The following EPHA4 variants were observed in gnomAD, a reference collection of about 807,000 sequenced individuals.
The protein encoded by EPHA4 is ephrin type-A receptor 4.
Under a neutral mutation model 108.3 loss-of-function variants are expected in EPHA4, and 19 were observed. That is an observed-to-expected ratio of 0.18 (90% CI 0.12 to 0.26). The LOEUF (loss-of-function observed/expected upper bound fraction) is 0.26, where lower values mean the gene tolerates loss of function less well. EPHA4 is among the 10% of genes least tolerant of loss of function. The pLI, the probability that EPHA4 is intolerant of heterozygous loss-of-function variation, is 1.00. For synonymous variants in EPHA4, 449 were observed against 455.5 expected (o/e 0.99, Z 0.18); for missense variants, 917 against 1,254.0 (o/e 0.73, Z 4.06).
In EPHA4 at chr2:221,566,946, GAAGGA is replaced by G. The variant is rs1345650110; in HGVS notation, c.159+1767_159+1771del. On this transcript the variant is annotated intron_variant, in intron 2 of 17. Coordinates refer to ENST00000281821, the MANE Select transcript of EPHA4 (RefSeq NM_004438.5). ...AGAAGGAGAAGGAGAAGGAGAAGGAGAAGGAGAAGGGGAAGAGGAAGAGGAAGAAG... is the reference window on the plus strand; with the variant it reads ...AGAAGGAGAAGGAGAAGGAGAAGGAGGAAGGGGAAGAGGAAGAGGAAGAAG... 1.6e-3 allele frequency among the ~76,000 whole-genome samples: 128 copies of G among 78,112 alleles called. 32 individuals carry two copies. The highest frequency in any genetic ancestry group is 3.8e-3 in the African/African-American group (52 of 13,548). 51.2% of individuals were successfully genotyped at this position (78,112 alleles called of 152,430 possible).
chr2:221,457,757 GAAGAA>G (rs1295631170), intron 6 of EPHA4, 104 bp downstream of exon 6: 54 of 1,226,976 alleles, frequency 4.4e-5, no homozygotes, highest in Non-Finnish European at 5.4e-5. Context: ...AGGAAAGAAG[GAAGAA>G]AAGAAGAGAG....
In EPHA4 at chr2:221,553,566, T is replaced by C. The variant is rs557735683; in HGVS notation, c.823+10165A>G. On this transcript the variant is annotated intron_variant, in intron 3 of 17. Transcript: ENST00000281821. ...CCCAATCTGGAGCCCTGGGAGAACA[T>C]AGCCAAATGTCAAACAGCAGGGAAG... Among the ~76,000 whole-genome samples the C allele has an allele frequency of 6.3e-4, 96 of 152,318 alleles. 1 individual carries two copies. In the South Asian group the frequency reaches 0.019, roughly 30 times the overall value.
intron 4 of EPHA4, among the ~76,000 whole-genome samples, chr2:221,493,924 G>C (rs1161360949): frequency 6.6e-6 from 1 of 152,150 alleles, no homozygotes; most frequent in Non-Finnish European, 1.5e-5. Flanking sequence ...CTTGAAAGCT[G>C]CAATTTTGGA....
At chr2:221,572,703 TAAA>T (rs1361577798), upstream of EPHA4, 1 of 152,848 alleles carries the variant, frequency 6.5e-6, no homozygotes, top group Non-Finnish European at 1.5e-5. Context: ...TTTATTGAAA[TAAA>T]AGAAGTCTAA....
At chr2:221,441,376 C>T (rs1029389123) in intron 11 of EPHA4, among the ~76,000 whole-genome samples, 2 of 151,930 alleles carry the variant, frequency 1.3e-5, no homozygotes, top group African/African-American at 4.8e-5. Flanking sequence ...CCACCTTCAA[C>T]ACTGGAAACC....
chr2:221,507,241 G>A (rs1692659210), intron 3 of EPHA4, among the ~76,000 whole-genome samples: 1 of 152,138 alleles, frequency 6.6e-6, no homozygotes, highest in Non-Finnish European at 1.5e-5. Flanking sequence ...GAATGACAAA[G>A]CATAATAAAG....
At chr2:221,478,784 C>T (rs1308439637) in intron 5 of EPHA4, among the ~76,000 whole-genome samples, 3 of 151,078 alleles carry the variant, frequency 2.0e-5, no homozygotes, top group African/African-American at 7.3e-5. Context: ...CTTCCAACAA[C>T]CTTAGCAGGG....
intron 3 of EPHA4, among the ~76,000 whole-genome samples, chr2:221,526,357 C>T (rs1455795141): frequency 6.6e-6 from 1 of 152,094 alleles, no homozygotes; most frequent in African/African-American, 2.4e-5. Flanking sequence ...GTAAATTTGG[C>T]TAATAAGTGA....
chr2:221,570,338 G>A (rs1694792803), intron 1 of EPHA4, among the ~76,000 whole-genome samples: 1 of 151,942 alleles, frequency 6.6e-6, no homozygotes. Context: ...AAAAAAGAGG[G>A]GGTTTAAAAA....
At chr2:221,445,589 G>GAAA (rs35067500) in intron 9 of EPHA4, among the ~76,000 whole-genome samples, 3 of 88,416 alleles carry the variant, frequency 3.4e-5, no homozygotes, top group South Asian at 3.7e-4. Context: ...GACTCCGTCA[G>GAAA]AAAAAAAAAA....
chr2:221,456,925 G>A (rs994384372), intron 6 of EPHA4, among the ~76,000 whole-genome samples, 153 bp from the exon 7 acceptor site: 2 of 152,168 alleles, frequency 1.3e-5, no homozygotes, highest in Non-Finnish European at 2.9e-5. Flanking sequence ...TCTCTTGGAT[G>A]TTATAAGTAC....
At chr2:221,562,434 TTCAG>T (rs1217780507) in intron 3 of EPHA4, among the ~76,000 whole-genome samples, 7 of 152,200 alleles carry the variant, frequency 4.6e-5, no homozygotes, top group Non-Finnish European at 7.3e-5. Context: ...TAACTGGATT[TTCAG>T]TCAATCAAGT....
intron 5 of EPHA4, among the ~76,000 whole-genome samples, chr2:221,473,770 G>C (rs1297535530): frequency 1.3e-5 from 2 of 151,924 alleles, no homozygotes; most frequent in African/African-American, 4.8e-5. Flanking sequence ...GCCCTGCCCT[G>C]CCCATTTCTC....
chr2:221,456,726 T>C lies in EPHA4; in HGVS notation c.1490A>G (p.Asn497Ser), dbSNP rs747496763. 2.5e-6 allele frequency: 4 copies of C among 1,613,958 alleles called. No individual in the cohort carries two copies. Among genetic ancestry groups the C allele is most frequent in the South Asian group, 1.1e-5 (1 of 91,070 alleles). The change falls in exon 7 of 18, where the codon AAC (asparagine) becomes AGC (serine). Residue 497 changes from asparagine (N) to serine (S), a missense_variant. Asn to Ser is a conservative substitution (Grantham distance 46). This residue lies in a region of EPHA4 where 758 missense variants were observed against 1,076.7 expected (regional missense o/e 0.70). Coordinates refer to ENST00000281821, the MANE Select transcript of EPHA4 (RefSeq NM_004438.5). ...SYRIVRTAAR[N>S]TDIKGLNPLT... Reference sequence around the variant, plus strand: ...AGGGTTCAGGCCTTTGATATCTGTGTTCCTGGCAGCTGTCCGAACTATACG... The same window carrying C: ...AGGGTTCAGGCCTTTGATATCTGTGCTCCTGGCAGCTGTCCGAACTATACG...
At chr2:221,464,393 G>A (rs747573735) in intron 5 of EPHA4, among the ~76,000 whole-genome samples, 9 of 152,122 alleles carry the variant, frequency 5.9e-5, no homozygotes, top group Non-Finnish European at 1.3e-4. Context: ...TCAAGCATCA[G>A]AATTAAATGC....
chr2:221,463,175 CT>C (rs1691203601), intron 5 of EPHA4, among the ~76,000 whole-genome samples: 1 of 152,182 alleles, frequency 6.6e-6, no homozygotes, highest in African/African-American at 2.4e-5. Context: ...GGAACAGACT[CT>C]GTTTTTCCAC....
rs1170624434 is a variant in EPHA4 at position 221,528,438 on chromosome 2, C to T, written c.824-27266G>A. The stretch of plus-strand genomic sequence containing the variant: ...ATTCAACGTTTTCTCTGCTCATGGA[C>T]ATAAGACTATAAATCCCAGCCACCA... On this transcript the variant is annotated intron_variant, in intron 3 of 17. Coordinates refer to ENST00000281821, the MANE Select transcript of EPHA4 (RefSeq NM_004438.5). Among the ~76,000 whole-genome samples the T allele has an allele frequency of 2.0e-5, 3 of 152,320 alleles. No homozygotes were observed. In the East Asian group the frequency reaches 5.8e-4, roughly 29 times the overall value.
At chr2:221,507,358 A>T (rs1225887385) in intron 3 of EPHA4, among the ~76,000 whole-genome samples, 1 of 151,978 alleles carries the variant, frequency 6.6e-6, no homozygotes, top group Non-Finnish European at 1.5e-5. Context: ...TTTTCAATTG[A>T]TTTTCTTTTT....
intron 5 of EPHA4, among the ~76,000 whole-genome samples, chr2:221,468,433 G>T (rs887868470): frequency 1.3e-5 from 2 of 152,156 alleles, no homozygotes; most frequent in Non-Finnish European, 2.9e-5. Flanking sequence ...CCACCAGGGA[G>T]CTTCAAGCAT....
Sources: gnomAD v4.1 joint callset for allele counts (sites outside exome capture counted in the v4.1 genomes callset) on GRCh38, gnomAD v4.1.1 for gene constraint, gnomAD v4.1.1 regional missense constraint, MANE v1.5 for transcripts, NCBI Gene and HGNC (gene_info 2026-07-23, HGNC 2026-07-21) for gene names.